The following CYSLTR2 variants were observed in gnomAD, a reference collection of about 807,000 sequenced individuals.
The protein encoded by CYSLTR2 is G-protein coupled receptor GPCR21.
For synonymous variants in CYSLTR2, 179 were observed against 160.8 expected, an observed-to-expected ratio of 1.11 and a Z score of -0.86; for missense variants, 398 against 411.9, an observed-to-expected ratio of 0.97 and a Z score of 0.29.
intron 1 of CYSLTR2, among the ~76,000 whole-genome samples, chr13:48,663,538 T>C (rs945775455): frequency 2.0e-5 from 3 of 152,070 alleles, no homozygotes; most frequent in Non-Finnish European, 4.4e-5. Context: ...GTTTTCCTTG[T>C]AGAGGTCTTT....
At chr13:48,689,705 C>T (rs1306113178) in intron 1 of CYSLTR2, among the ~76,000 whole-genome samples, 2 of 152,108 alleles carry the variant, frequency 1.3e-5, no homozygotes, top group South Asian at 2.1e-4. Flanking sequence ...CAGCTTTGTT[C>T]TTTTTGCTTA....
chr13:48,676,617 C>G (rs1953603086), intron 1 of CYSLTR2, among the ~76,000 whole-genome samples: 1 of 152,106 alleles, frequency 6.6e-6, no homozygotes, highest in South Asian at 2.1e-4. Context: ...AAGAAAACTT[C>G]CCAATAGTGG....
chr13:48,664,033 G>A (rs1433220348), intron 1 of CYSLTR2, among the ~76,000 whole-genome samples: 1 of 152,016 alleles, frequency 6.6e-6, no homozygotes, highest in Non-Finnish European at 1.5e-5. Context: ...TTTCTATCAT[G>A]AAGTGAGCTT....
chr13:48,689,948 T>C (rs1953995137), intron 1 of CYSLTR2, among the ~76,000 whole-genome samples: 1 of 152,206 alleles, frequency 6.6e-6, no homozygotes, highest in African/African-American at 2.4e-5. Flanking sequence ...TGGTTTGTAG[T>C]TCTCCTTGAG....
chr13:48,666,767 T>C (rs1175801427), intron 1 of CYSLTR2, among the ~76,000 whole-genome samples: 1 of 151,790 alleles, frequency 6.6e-6, no homozygotes, highest in Non-Finnish European at 1.5e-5. Context: ...ATAACTATCT[T>C]TTTTTGTTGA....
intron 3 of CYSLTR2, among the ~76,000 whole-genome samples, chr13:48,696,003 G>A (rs888986823): frequency 1.3e-4 from 20 of 152,304 alleles, no homozygotes; most frequent in African/African-American, 4.3e-4. Context: ...CAGAATGACC[G>A]TATCATTTTA....
chr13:48,661,019 A>G (rs1217652584), intron 1 of CYSLTR2, among the ~76,000 whole-genome samples: 1 of 152,236 alleles, frequency 6.6e-6, no homozygotes, highest in Non-Finnish European at 1.5e-5. Flanking sequence ...AGTGCCATTC[A>G]TGTATTATCT....
intron 1 of CYSLTR2, among the ~76,000 whole-genome samples, chr13:48,686,821 GAT>G: frequency 6.6e-6 from 1 of 152,322 alleles, no homozygotes; most frequent in East Asian, 1.9e-4. Context: ...AGTTTTAGAT[GAT>G]ACTTTCCAGC....
At position 48,659,634 on chromosome 13, in the gene CYSLTR2, T is replaced by C. The variant is rs146721727; in HGVS notation, c.-266+5617T>C. Among the ~76,000 whole-genome samples, 291 of 152,332 alleles carry C rather than the reference T, an allele frequency of 1.9e-3. 1 individual carries two copies. Among genetic ancestry groups the C allele is most frequent in the African/African-American group, 6.2e-3 (259 of 41,584 alleles). On this transcript the variant is annotated intron_variant, in intron 1 of 4. Transcript: ENST00000682523. ...TCATGTCATTTAGTTACCTTGATTA[T>C]GGACAGGGAGGACCCTAATGTTGAT...
chr13:48,665,905 C>T (rs1213197847), intron 1 of CYSLTR2, among the ~76,000 whole-genome samples: 1 of 151,968 alleles, frequency 6.6e-6, no homozygotes, highest in East Asian at 1.9e-4. Context: ...TACTTCTTTT[C>T]TTATTGTTTA....
intron 4 of CYSLTR2, among the ~76,000 whole-genome samples, chr13:48,705,943 A>G (rs1205855556): frequency 1.3e-5 from 2 of 150,266 alleles, no homozygotes; most frequent in African/African-American, 2.4e-5. Context: ...CTTTCTGTTT[A>G]GAGAACTTCC....
intron 1 of CYSLTR2, among the ~76,000 whole-genome samples, chr13:48,655,361 A>C (rs1952975165): frequency 6.6e-6 from 1 of 152,224 alleles, no homozygotes; most frequent in Non-Finnish European, 1.5e-5. Flanking sequence ...ATTTGGAGGC[A>C]GAAGGTGGCT....
chr13:48,704,366 GA>G (rs1209238916), intron 4 of CYSLTR2, among the ~76,000 whole-genome samples: 1 of 151,960 alleles, frequency 6.6e-6, no homozygotes, highest in African/African-American at 2.4e-5. Flanking sequence ...CTACAAAAAA[GA>G]AAAAATAGCT....
chr13:48,703,000 CAT>C (rs937820601), intron 4 of CYSLTR2, among the ~76,000 whole-genome samples: 77 of 152,220 alleles, frequency 5.1e-4, no homozygotes, highest in African/African-American at 1.8e-3. Context: ...AAGTCCTGTA[CAT>C]GTCTTGTGAG....
chr13:48,688,828 G>A lies in CYSLTR2; in HGVS notation c.-265-2384G>A, dbSNP rs150660752. Among the ~76,000 whole-genome samples, 323 of 152,264 alleles carry A rather than the reference G, an allele frequency of 2.1e-3. 2 individuals are homozygous for A. Among genetic ancestry groups the A allele is most frequent in the African/African-American group, 7.2e-3 (299 of 41,548 alleles). On this transcript the variant is annotated intron_variant, in intron 1 of 4. Coordinates refer to ENST00000682523, the MANE Select transcript of CYSLTR2 (RefSeq NM_001308476.3). ...TCTGGTTCTAAATCCTTGAGGAATC[G>A]CCGCACTGCCTTCCACAATGGCTAA... is the stretch of plus-strand genomic sequence containing the variant.
chr13:48,696,005 A>G (rs150547077), intron 3 of CYSLTR2, among the ~76,000 whole-genome samples: 101 of 152,354 alleles, frequency 6.6e-4, no homozygotes, highest in African/African-American at 2.4e-3. Flanking sequence ...GAATGACCGT[A>G]TCATTTTACA....
In CYSLTR2 at chr13:48,707,967, AT is replaced by A; in HGVS notation, c.*110del. 1.1e-6 allele frequency: 1 copy of A among 935,842 alleles called. No homozygotes were observed. The highest frequency in any genetic ancestry group is 1.5e-6 in the Non-Finnish European group (1 of 665,702). 58.0% of individuals were successfully genotyped at this position (935,842 alleles called of 1,614,324 possible). A position where few individuals can be genotyped will look rare whatever the true frequency, so the allele number is the denominator to read the frequency against. On this transcript the variant is annotated 3_prime_UTR_variant, in exon 5 of 5. Transcript: ENST00000682523. Reference sequence around the variant, plus strand: ...CACTCCCAACAAATGTTGATTCTTAATATTTAGTTGACCATTACTTTTGTTA... The same window carrying A: ...CACTCCCAACAAATGTTGATTCTTAAATTTAGTTGACCATTACTTTTGTTA...
At chr13:48,697,845 C>T (rs1445778627) in intron 4 of CYSLTR2, among the ~76,000 whole-genome samples, 1 of 152,154 alleles carries the variant, frequency 6.6e-6, no homozygotes. Context: ...AGCTGAAAAC[C>T]ACAGCACAAG....
intron 4 of CYSLTR2, among the ~76,000 whole-genome samples, chr13:48,701,684 A>C (rs1166329495): frequency 6.6e-6 from 1 of 152,260 alleles, no homozygotes; most frequent in East Asian, 1.9e-4. Context: ...TGGCCATCAG[A>C]GGAATGCAAA....
Sources: allele counts gnomAD v4.1 joint callset (sites outside exome capture counted in the v4.1 genomes callset), GRCh38; gene constraint gnomAD v4.1.1; transcripts MANE v1.5; gene names NCBI Gene and HGNC (gene_info 2026-07-23, HGNC 2026-07-21).